The following DESI2 variants were observed in gnomAD, a reference collection of about 807,000 sequenced individuals.
The protein encoded by DESI2 is deubiquitinase DESI2.
Under a neutral mutation model 24.1 loss-of-function variants are expected in DESI2, and 10 were observed. That is an observed-to-expected ratio of 0.41 (90% CI 0.26 to 0.70). The LOEUF (loss-of-function observed/expected upper bound fraction) is 0.70, where lower values mean the gene tolerates loss of function less well. DESI2 is among the 30% of genes least tolerant of loss of function. The probability of loss-of-function intolerance (pLI) is 0.29; values close to 1 mark genes in which losing one functional copy is unlikely to be tolerated. For missense variants in DESI2, 122 were observed against 234.9 expected (o/e 0.52, Z 3.14); for synonymous variants, 71 against 87.7 (o/e 0.81, Z 1.06).
chr1:244,686,491 T>C (rs2148804878), intron 1 of DESI2, 106 bp from the exon 2 acceptor site: 2 of 730,262 alleles, frequency 2.7e-6, no homozygotes, highest in Admixed American at 2.0e-5. Flanking sequence ...TGGATCGTTA[T>C]CATGGGAGTT....
chr1:244,677,261 G>T (rs1365485262), intron 1 of DESI2, among the ~76,000 whole-genome samples: 1 of 152,086 alleles, frequency 6.6e-6, no homozygotes, highest in East Asian at 1.9e-4. Flanking sequence ...TAGATTTTCT[G>T]TATCTTCTTG....
At chr1:244,688,075 C>T (rs67143997) in intron 2 of DESI2, among the ~76,000 whole-genome samples, 36,754 of 152,078 alleles carry the variant, frequency 0.24, 4,490 homozygotes, top group South Asian at 0.33. Flanking sequence ...TCTATTATCT[C>T]CCTAATCATT....
At chr1:244,701,630 C>T (rs939135817) in intron 4 of DESI2, among the ~76,000 whole-genome samples, 25 of 152,250 alleles carry the variant, frequency 1.6e-4, no homozygotes, top group African/African-American at 5.8e-4. Flanking sequence ...GGACTAGTAA[C>T]TCCTTTCTTC....
Position 244,680,036 on chromosome 1 carries a change from T to TTAA in DESI2, c.43-6561_43-6560insTAA, listed in dbSNP as rs1553403558. Among the ~76,000 whole-genome samples, 337 of 142,452 alleles carry TTAA rather than the reference T, an allele frequency of 2.4e-3. 10 individuals carry two copies. In the East Asian group the frequency reaches 0.057, roughly 24 times the overall value. 93.5% of individuals were successfully genotyped at this position (142,452 alleles called of 152,430 possible). A position where few individuals can be genotyped will look rare whatever the true frequency, so the allele number is the denominator to read the frequency against. ...CTTTTTAGCCTTTTTTTTTTTTTTT[T>TTAA]AAACAAAAAATCTAGGATCCAGTCG... is the stretch of plus-strand genomic sequence containing the variant. On this transcript the variant is annotated intron_variant, in intron 1 of 4. Transcript: ENST00000302550.
At chr1:244,703,173 TG>T (rs1677543936) in intron 4 of DESI2, among the ~76,000 whole-genome samples, 1 of 151,982 alleles carries the variant, frequency 6.6e-6, no homozygotes, top group Non-Finnish European at 1.5e-5. Context: ...GGCTAATTTT[TG>T]TATTTTTAGT....
At chr1:244,698,069 G>A (rs1205100184) in intron 4 of DESI2, among the ~76,000 whole-genome samples, 1 of 152,224 alleles carries the variant, frequency 6.6e-6, no homozygotes, top group Middle Eastern at 3.2e-3. Context: ...GGTAGCGGGG[G>A]CAGTTAATGG....
At chr1:244,681,876 C>T (rs1317626833) in intron 1 of DESI2, among the ~76,000 whole-genome samples, 1 of 152,140 alleles carries the variant, frequency 6.6e-6, no homozygotes, top group Non-Finnish European at 1.5e-5. Flanking sequence ...AGAATTGGTT[C>T]CTTCCGGTGG....
chr1:244,673,078 T>C (rs1360267019), intron 1 of DESI2, among the ~76,000 whole-genome samples: 1 of 152,206 alleles, frequency 6.6e-6, no homozygotes, highest in African/African-American at 2.4e-5. Context: ...ATCATCCATA[T>C]TGTCTGCATA....
chr1:244,694,762 A>G (rs977517896), intron 4 of DESI2: 4 of 595,560 alleles, frequency 6.7e-6, no homozygotes, highest in Non-Finnish European at 9.0e-6. Context: ...ATTAAGTTTT[A>G]TTAGAACACA....
At chr1:244,685,647 G>A (rs1410672621) in intron 1 of DESI2, among the ~76,000 whole-genome samples, 1 of 152,206 alleles carries the variant, frequency 6.6e-6, no homozygotes, top group Non-Finnish European at 1.5e-5. Context: ...GAGAATGTGT[G>A]TAGGTCTGAG....
chr1:244,706,020 GGATTT>G lies in DESI2; in HGVS notation c.*232_*236del, dbSNP rs781323124. On this transcript the variant is annotated 3_prime_UTR_variant, in exon 5 of 5. Transcript: ENST00000302550. Reference sequence around the variant, plus strand: ...GTTTTTTTTATCCACTCGTAAATCTGGATTTATTTCTTCTGTTTTATACAAGCTCT... The same window carrying G: ...GTTTTTTTTATCCACTCGTAAATCTGATTTCTTCTGTTTTATACAAGCTCT... 3.6e-4 allele frequency: 183 copies of G among 510,064 alleles called. 1 individual carries two copies. The highest frequency in any genetic ancestry group is 2.3e-3 in the East Asian group (67 of 29,096). The allele number at this position is 510,064 out of a possible 1,614,324, so 31.6% of individuals were successfully genotyped here. A position where few individuals can be genotyped will look rare whatever the true frequency, so the allele number is the denominator to read the frequency against.
chr1:244,692,361 G>A (rs1677058899), intron 4 of DESI2, among the ~76,000 whole-genome samples: 1 of 151,878 alleles, frequency 6.6e-6, no homozygotes, highest in South Asian at 2.1e-4. Context: ...GTTTCTCTTT[G>A]GCTGAATTTT....
chr1:244,698,304 C>G (rs547765618), intron 4 of DESI2, among the ~76,000 whole-genome samples: 5 of 152,166 alleles, frequency 3.3e-5, no homozygotes, highest in Non-Finnish European at 7.3e-5. Flanking sequence ...ATGATATTTA[C>G]TATGATTTTT....
At position 244,705,888 on chromosome 1, in the gene DESI2, G is replaced by C; in HGVS notation, c.*99G>C. 1 of 844,888 alleles carries C rather than the reference G, an allele frequency of 1.2e-6. No homozygotes were observed. The highest frequency in any genetic ancestry group is 1.8e-6 in the Non-Finnish European group (1 of 553,232). 52.3% of individuals were successfully genotyped at this position (844,888 alleles called of 1,614,324 possible). A position where few individuals can be genotyped will look rare whatever the true frequency, so the allele number is the denominator to read the frequency against. On this transcript the variant is annotated 3_prime_UTR_variant, in exon 5 of 5. Transcript: ENST00000302550. ...ATCCTTTAGATATTTTGTATGCAAAGATGGCTCTCCCCCAAATCCCAGTTT... is the reference window on the plus strand; with the variant it reads ...ATCCTTTAGATATTTTGTATGCAAACATGGCTCTCCCCCAAATCCCAGTTT...
At chr1:244,661,597 C>G (rs1675846462) in intron 1 of DESI2, among the ~76,000 whole-genome samples, 1 of 146,996 alleles carries the variant, frequency 6.8e-6, no homozygotes, top group East Asian at 2.1e-4. Flanking sequence ...GTGTGATGTT[C>G]CCCTTCCTGT....
intron 1 of DESI2, among the ~76,000 whole-genome samples, chr1:244,682,569 CT>C (rs1185734037): frequency 1.3e-5 from 2 of 152,044 alleles, no homozygotes; most frequent in Non-Finnish European, 2.9e-5. Flanking sequence ...TCTTCTTTTT[CT>C]TTTTTGTAAA....
chr1:244,705,873 T>C lies in DESI2; in HGVS notation c.*84T>C, dbSNP rs902869624. On this transcript the variant is annotated 3_prime_UTR_variant, in exon 5 of 5. Transcript: ENST00000302550. The stretch of plus-strand genomic sequence containing the variant: ...AGTAAACAGAGAAGCATCCTTTAGA[T>C]ATTTTGTATGCAAAGATGGCTCTCC... The C allele has an allele frequency of 3.1e-6, 3 of 967,294 alleles. No homozygotes were observed. In the African/African-American group the frequency reaches 4.9e-5, roughly 16 times the overall value. The allele number at this position is 967,294 out of a possible 1,614,324, so 59.9% of individuals were successfully genotyped here. A position where few individuals can be genotyped will look rare whatever the true frequency, so the allele number is the denominator to read the frequency against.
intron 4 of DESI2, among the ~76,000 whole-genome samples, chr1:244,695,608 G>GT (rs1319425606): frequency 6.6e-6 from 1 of 152,116 alleles, no homozygotes; most frequent in African/African-American, 2.4e-5. Flanking sequence ...AGCAGAGATG[G>GT]TGCTGTTGCA....
chr1:244,679,988 C>T (rs755972326), intron 1 of DESI2, among the ~76,000 whole-genome samples: 84 of 148,390 alleles, frequency 5.7e-4, no homozygotes, highest in Non-Finnish European at 1.1e-3. Context: ...TTCATGTTTT[C>T]CCCAATTGTT....
Sources: allele counts gnomAD v4.1 joint callset (sites outside exome capture counted in the v4.1 genomes callset), GRCh38; gene constraint gnomAD v4.1.1; transcripts MANE v1.5; gene names NCBI Gene and HGNC (gene_info 2026-07-23, HGNC 2026-07-21).